Variants in PARD3B observed in about 807,000 individuals in gnomAD.
PARD3B encodes the protein partitioning defective 3 homolog B.
PARD3B carries 103 observed loss-of-function variants against 130.2 expected under a neutral mutation model. The ratio of observed to expected loss-of-function variants is 0.79; its 90% CI spans 0.67 to 0.93. The LOEUF (loss-of-function observed/expected upper bound fraction) is 0.93, where lower values mean the gene tolerates loss of function less well. Among genes scored for constraint, PARD3B ranks in the 40% least tolerant of loss-of-function variants. The pLI is 0.00. For synonymous variants in PARD3B, 583 were observed against 553.2 expected (o/e 1.05, Z -0.76); for missense variants, 1,609 against 1,499.2 (o/e 1.07, Z -1.21).
At chr2:204,633,803 C>T (rs1289940988) in intron 1 of PARD3B, among the ~76,000 whole-genome samples, 7 of 152,244 alleles carry the variant, frequency 4.6e-5, no homozygotes, top group Non-Finnish European at 8.8e-5. Context: ...CAGAGCGAGA[C>T]TGTGTCTCAA....
chr2:204,787,657 T>A (rs2042058288), intron 2 of PARD3B, among the ~76,000 whole-genome samples: 1 of 152,172 alleles, frequency 6.6e-6, no homozygotes, highest in African/African-American at 2.4e-5. Flanking sequence ...GTATCAGAAA[T>A]TTAGACCATC....
rs1330320720 is a variant in PARD3B at position 205,309,320 on chromosome 2, G to A, written c.2630+7619G>A. ...ATTGTTTCTTCTCAACTCAGATAAT[G>A]CAAGCATACCTCAAAGATAGACTAG... On this transcript the variant is annotated intron_variant, in intron 18 of 22. Coordinates refer to ENST00000406610, the MANE Select transcript of PARD3B (RefSeq NM_001302769.2). The surrounding 1 kb of genome is among the most constrained non-coding windows in gnomAD (Gnocchi z 4.7). 7.2e-5 allele frequency among the ~76,000 whole-genome samples: 11 copies of A among 152,100 alleles called. No homozygotes were observed. The highest frequency in any genetic ancestry group is 5.9e-4 in the Admixed American group (9 of 15,278).
intron 20 of PARD3B, among the ~76,000 whole-genome samples, chr2:205,452,003 G>T (rs1438823302): frequency 6.6e-6 from 1 of 152,060 alleles, no homozygotes; most frequent in Non-Finnish European, 1.5e-5. Flanking sequence ...GGCAACTGGG[G>T]GACATACATT....
intron 3 of PARD3B, among the ~76,000 whole-genome samples, chr2:204,998,384 GTGTGTA>G (rs1559341634): frequency 2.2e-4 from 18 of 81,520 alleles, no homozygotes; most frequent in East Asian, 5.2e-4. Flanking sequence ...GTATATATGT[GTGTGTA>G]TATATGTATA....
intron 20 of PARD3B, among the ~76,000 whole-genome samples, chr2:205,442,529 C>A (rs559042309): frequency 6.6e-6 from 1 of 152,156 alleles, no homozygotes; most frequent in African/African-American, 2.4e-5. Context: ...TCTTGAACTC[C>A]TGACCTCATG....
intron 3 of PARD3B, among the ~76,000 whole-genome samples, chr2:205,044,141 AT>A (rs563583636): frequency 0.011 from 1,656 of 152,088 alleles, 21 homozygotes; most frequent in African/African-American, 0.036. Context: ...TGAACTCATC[AT>A]TTTTATGGCT....
At chr2:204,559,915 A>C (rs1295735287) in intron 1 of PARD3B, among the ~76,000 whole-genome samples, 1 of 152,168 alleles carries the variant, frequency 6.6e-6, no homozygotes, top group Non-Finnish European at 1.5e-5. Context: ...GGAAACCATC[A>C]TTCTGAGCAA....
At chr2:205,521,467 G>A (rs548245059) in intron 21 of PARD3B, among the ~76,000 whole-genome samples, 4 of 151,832 alleles carry the variant, frequency 2.6e-5, no homozygotes, top group African/African-American at 9.7e-5. Context: ...TAGAGCTTAA[G>A]GACTTTTATT....
At chr2:204,784,897 G>T (rs2041954816) in intron 2 of PARD3B, among the ~76,000 whole-genome samples, 2 of 152,050 alleles carry the variant, frequency 1.3e-5, no homozygotes, top group South Asian at 4.1e-4. Flanking sequence ...CTTTCTCAAG[G>T]TCTACTTTGA....
At position 205,309,971 on chromosome 2, in the gene PARD3B, T is replaced by G. The variant is rs2042319039; in HGVS notation, c.2630+8270T>G. Among the ~76,000 whole-genome samples the G allele has an allele frequency of 6.6e-6, 1 of 152,116 alleles. No homozygotes were observed. Among genetic ancestry groups the G allele is most frequent in the African/African-American group, 2.4e-5 (1 of 41,430 alleles). ...AAGTAAAAACTGTCTATATATGGTA[T>G]GCAACATGATGTTTTAATATATATA... On this transcript the variant is annotated intron_variant, in intron 18 of 22. Coordinates refer to ENST00000406610, the MANE Select transcript of PARD3B (RefSeq NM_001302769.2). This position sits in a 1 kb window ranked among gnomAD's most constrained non-coding sequence, Gnocchi z 4.7.
intron 2 of PARD3B, among the ~76,000 whole-genome samples, chr2:204,831,696 T>C: frequency 7.4e-6 from 1 of 135,824 alleles, no homozygotes; most frequent in South Asian, 2.1e-4. Context: ...ACAAAACCCT[T>C]CTCGTAGTTG....
At chr2:205,057,168 A>C (rs910913142) in intron 4 of PARD3B, among the ~76,000 whole-genome samples, 1 of 151,182 alleles carries the variant, frequency 6.6e-6, no homozygotes, top group African/African-American at 2.4e-5. Context: ...TTCATGAATA[A>C]AATTATGATA....
rs1224550715 is a variant in PARD3B, at chr2:205,617,883, A to G, written c.*2070A>G. ...CTATGTTCCATATTTTAACCAAACT[A>G]CTGTAGACTACTAAACATAGCCAAG... On this transcript the variant is annotated 3_prime_UTR_variant, in exon 23 of 23. Transcript: ENST00000406610. 1 of 152,206 alleles carries G rather than the reference A, an allele frequency of 6.6e-6. No homozygotes were observed. Among genetic ancestry groups the G allele is most frequent in the Admixed American group, 6.5e-5 (1 of 15,282 alleles). The allele number at this position is 152,206 out of a possible 1,614,324, so 9.4% of individuals were successfully genotyped here.
At chr2:204,645,664 T>C (rs1392693884) in intron 1 of PARD3B, among the ~76,000 whole-genome samples, 1 of 152,126 alleles carries the variant, frequency 6.6e-6, no homozygotes, top group African/African-American at 2.4e-5. Flanking sequence ...GTATTAGTAC[T>C]TTCTACCTAA....
At chr2:205,224,535 C>T (rs1485046573) in intron 15 of PARD3B, among the ~76,000 whole-genome samples, 1 of 149,110 alleles carries the variant, frequency 6.7e-6, no homozygotes, top group Non-Finnish European at 1.5e-5. Flanking sequence ...ACCGCCACTC[C>T]CCAGAAGCCC....
At chr2:205,162,207 A>G (rs1225447598) in intron 11 of PARD3B, among the ~76,000 whole-genome samples, 1 of 152,200 alleles carries the variant, frequency 6.6e-6, no homozygotes, top group Non-Finnish European at 1.5e-5. Flanking sequence ...CAGAACAATA[A>G]TTCTACCCTG....
intron 1 of PARD3B, among the ~76,000 whole-genome samples, chr2:204,561,004 T>A (rs766862670): frequency 7.3e-6 from 1 of 137,410 alleles, no homozygotes; most frequent in Admixed American, 7.7e-5. Flanking sequence ...GACATTTCAG[T>A]GAATATGCCT....
chr2:205,600,856 A>G (rs1210597685), intron 22 of PARD3B, among the ~76,000 whole-genome samples: 2 of 152,214 alleles, frequency 1.3e-5, no homozygotes, highest in Non-Finnish European at 2.9e-5. Context: ...ATGGCTGCAT[A>G]GTATTCCATG....
At chr2:205,033,423 C>T (rs1201519315) in intron 3 of PARD3B, among the ~76,000 whole-genome samples, 1 of 151,976 alleles carries the variant, frequency 6.6e-6, no homozygotes, top group Non-Finnish European at 1.5e-5. Flanking sequence ...TCTATTTCTT[C>T]CTGCTATTTC....
Sources: allele counts gnomAD v4.1 joint callset (sites outside exome capture counted in the v4.1 genomes callset), GRCh38; gene constraint gnomAD v4.1.1; non-coding constraint Gnocchi (gnomAD v3.1); transcripts MANE v1.5; gene names NCBI Gene and HGNC (gene_info 2026-07-23, HGNC 2026-07-21).